ARHGAP15: variants seen among roughly 807,000 people sequenced by gnomAD.
ARHGAP15 encodes the protein rho GTPase-activating protein 15.
ARHGAP15 carries 51 observed loss-of-function variants against 63.7 expected under a neutral mutation model. The ratio of observed to expected loss-of-function variants is 0.80; its 90% CI spans 0.64 to 1.01. The LOEUF (loss-of-function observed/expected upper bound fraction) is 1.01. Ranked by LOEUF, ARHGAP15 falls within the 50% of genes least tolerant of loss-of-function variation. ARHGAP15 has a pLI of 0.00. For missense variants in ARHGAP15, 560 were observed against 564.6 expected, an observed-to-expected ratio of 0.99 and a Z score of 0.08; for synonymous variants, 191 against 193.8, an observed-to-expected ratio of 0.99 and a Z score of 0.12.
intron 12 of ARHGAP15, among the ~76,000 whole-genome samples, chr2:143,691,897 A>G (rs1433462512): frequency 1.3e-5 from 2 of 152,202 alleles, no homozygotes; most frequent in African/African-American, 4.8e-5. Flanking sequence ...TTTTAAAGAC[A>G]TAGAGCACTT....
At chr2:143,192,201 G>A (rs1468058585) in intron 2 of ARHGAP15, among the ~76,000 whole-genome samples, 1 of 152,228 alleles carries the variant, frequency 6.6e-6, no homozygotes, top group Non-Finnish European at 1.5e-5. Context: ...AAGCAGAGAA[G>A]CCTAATTTGA....
intron 6 of ARHGAP15, among the ~76,000 whole-genome samples, chr2:143,297,137 T>C (rs1426572322): frequency 6.6e-6 from 1 of 151,964 alleles, no homozygotes; most frequent in Non-Finnish European, 1.5e-5. Context: ...AATTTGTTAT[T>C]ATTACTGTAA....
intron 13 of ARHGAP15, among the ~76,000 whole-genome samples, chr2:143,728,308 G>T (rs1277021580): frequency 6.6e-6 from 1 of 152,076 alleles, no homozygotes; most frequent in Non-Finnish European, 1.5e-5. Flanking sequence ...AGTCAAATTG[G>T]ATTAAAATCC....
At chr2:143,659,564 C>G (rs573876888) in intron 12 of ARHGAP15, among the ~76,000 whole-genome samples, 1 of 152,226 alleles carries the variant, frequency 6.6e-6, no homozygotes, top group African/African-American at 2.4e-5. Flanking sequence ...CTGAAAGATT[C>G]TTAGGTATCC....
At chr2:143,552,138 C>T (rs1220988885) in intron 10 of ARHGAP15, among the ~76,000 whole-genome samples, 1 of 152,172 alleles carries the variant, frequency 6.6e-6, no homozygotes, top group Admixed American at 6.5e-5. Context: ...TTAGGAAGTG[C>T]CATAAATCTC....
At chr2:143,553,010 G>A (rs1417835314) in intron 10 of ARHGAP15, among the ~76,000 whole-genome samples, 4 of 152,148 alleles carry the variant, frequency 2.6e-5, no homozygotes, top group African/African-American at 9.7e-5. Context: ...TGAAAAGGAT[G>A]TCCAAATCCA....
chr2:143,340,117 G>A (rs995871735), intron 6 of ARHGAP15, among the ~76,000 whole-genome samples: 3 of 152,088 alleles, frequency 2.0e-5, no homozygotes, highest in African/African-American at 4.8e-5. Context: ...CAAAAAAATA[G>A]GACTATTTCA....
chr2:143,160,287 C>T (rs1690238962), intron 2 of ARHGAP15, among the ~76,000 whole-genome samples: 1 of 151,904 alleles, frequency 6.6e-6, no homozygotes, highest in African/African-American at 2.4e-5. Context: ...ACACTGCATT[C>T]TTCAGTTAAA....
intron 6 of ARHGAP15, among the ~76,000 whole-genome samples, chr2:143,348,770 GAT>G (rs1423878254): frequency 1.3e-5 from 2 of 152,142 alleles, no homozygotes; most frequent in African/African-American, 4.8e-5. Context: ...TTTCAATGGT[GAT>G]AGTTTTTCCC....
intron 1 of ARHGAP15, among the ~76,000 whole-genome samples, chr2:143,143,626 AC>A (rs1689464917): frequency 7.0e-6 from 1 of 142,090 alleles, no homozygotes; most frequent in Non-Finnish European, 1.5e-5. Flanking sequence ...TAAATCATCC[AC>A]CGCTGGAACA....
chr2:143,136,607 G>C (rs546422609), intron 1 of ARHGAP15, among the ~76,000 whole-genome samples: 2 of 152,018 alleles, frequency 1.3e-5, no homozygotes, highest in Admixed American at 1.3e-4. Context: ...GCTGTAATTT[G>C]TTATTAAGTA....
intron 11 of ARHGAP15, among the ~76,000 whole-genome samples, chr2:143,576,547 T>C (rs1696687824): frequency 6.6e-6 from 1 of 152,146 alleles, no homozygotes; most frequent in African/African-American, 2.4e-5. Context: ...TTGACTGTTA[T>C]ACAAATAACA....
chr2:143,370,682 A>C (rs16822400), intron 6 of ARHGAP15, among the ~76,000 whole-genome samples: 14,500 of 152,078 alleles, frequency 0.095, 1,064 homozygotes, highest in East Asian at 0.41. Context: ...AGAATTCTTA[A>C]CTCTGACAAG....
intron 6 of ARHGAP15, among the ~76,000 whole-genome samples, chr2:143,311,847 G>T (rs1026239197): frequency 6.6e-6 from 1 of 152,124 alleles, no homozygotes; most frequent in South Asian, 2.1e-4. Flanking sequence ...ATTAGCCCTA[G>T]ATTCTCTTAG....
At chr2:143,168,378 T>C (rs1690634222) in intron 2 of ARHGAP15, among the ~76,000 whole-genome samples, 1 of 152,054 alleles carries the variant, frequency 6.6e-6, no homozygotes, top group African/African-American at 2.4e-5. Context: ...GGGGTCTTGC[T>C]GTGTTGCTCA....
chr2:143,576,890 C>T (rs114494698), intron 11 of ARHGAP15, among the ~76,000 whole-genome samples: 31 of 152,184 alleles, frequency 2.0e-4, no homozygotes, highest in Non-Finnish European at 2.9e-4. Context: ...CAAAGTAATC[C>T]TCCATTGAAG....
chr2:143,463,623 C>A (rs1023053700), intron 8 of ARHGAP15, among the ~76,000 whole-genome samples: 5 of 152,076 alleles, frequency 3.3e-5, no homozygotes, highest in Non-Finnish European at 7.4e-5. Context: ...TTTTATCTAA[C>A]CATCCATCCA....
At chr2:143,278,421 G>T (rs1023753316) in intron 6 of ARHGAP15, among the ~76,000 whole-genome samples, 8 of 152,142 alleles carry the variant, frequency 5.3e-5, no homozygotes, top group African/African-American at 1.7e-4. Context: ...TACCATAGTT[G>T]ACGAGGAAGG....
chr2:143,239,990 CAAAAAAAAAA>C (rs60960176), intron 5 of ARHGAP15, among the ~76,000 whole-genome samples: 6 of 26,468 alleles, frequency 2.3e-4, no homozygotes, highest in Non-Finnish European at 3.5e-4. Flanking sequence ...GACTCTGTCT[CAAAAAAAAAA>C]AAAAAAAAAA....
Sources: gnomAD v4.1 joint callset for allele counts (sites outside exome capture counted in the v4.1 genomes callset) on GRCh38, gnomAD v4.1.1 for gene constraint, MANE v1.5 for transcripts, NCBI Gene and HGNC (gene_info 2026-07-23, HGNC 2026-07-21) for gene names.